CAP2: variants seen among roughly 807,000 people sequenced by gnomAD.
CAP2 encodes adenylyl cyclase-associated protein 2.
CAP2 carries 24 observed loss-of-function variants against 57.7 expected under a neutral mutation model. The observed-to-expected ratio is 0.42, with a 90% CI of 0.30 to 0.58. CAP2 has a LOEUF of 0.58. Ranked by LOEUF, CAP2 falls within the 20% of genes least tolerant of loss-of-function variation. The probability of loss-of-function intolerance (pLI) is 0.22; values close to 1 mark genes in which losing one functional copy is unlikely to be tolerated. For missense variants in CAP2, 501 were observed against 590.3 expected (o/e 0.85, Z 1.57); for synonymous variants, 194 against 207.2 (o/e 0.94, Z 0.55).
chr6:17,451,127 G>A (rs1380015753), intron 3 of CAP2, among the ~76,000 whole-genome samples: 4 of 151,824 alleles, frequency 2.6e-5, no homozygotes, highest in Non-Finnish European at 5.9e-5. Flanking sequence ...TAAATCTCTT[G>A]TCTTGAGGAG....
Position 17,421,643 on chromosome 6 carries a change from G to T in CAP2, c.88G>T (p.Gly30Trp). 1 of 1,614,102 alleles carries T rather than the reference G, an allele frequency of 6.2e-7. No homozygotes were observed. The highest frequency in any genetic ancestry group is 8.5e-7 in the Non-Finnish European group (1 of 1,179,974). ...SLSAESHRPP[G>W]NCGEVNGVIA... ...GTCTGCAGAGTCCCACAGGCCCCCT[G>T]GGAACTGCGGGGAAGTCAATGGTGT... The change falls in exon 2 of 13, where the codon GGG (glycine) becomes TGG (tryptophan). Residue 30 changes from glycine to tryptophan, a missense_variant. Transcript: ENST00000229922.
chr6:17,430,731 G>T (rs1365606327), intron 3 of CAP2, among the ~76,000 whole-genome samples: 1 of 152,064 alleles, frequency 6.6e-6, no homozygotes, highest in Non-Finnish European at 1.5e-5. Context: ...TAGAGACGGG[G>T]TTTTACCATG....
intron 1 of CAP2, among the ~76,000 whole-genome samples, chr6:17,407,192 AC>A (rs1171433719): frequency 6.6e-6 from 1 of 151,602 alleles, no homozygotes; most frequent in African/African-American, 2.4e-5. Flanking sequence ...TTTTCTTTCC[AC>A]TTTACCCACT....
At position 17,473,906 on chromosome 6, in the gene CAP2, GC is replaced by G. The variant is rs752144677; in HGVS notation, c.300+10834del. ...ATTTAGCTCTTAATTGAAAATGCAG[GC>G]ACTTCCATAAGTACTAAAACTACAA... On this transcript the variant is annotated intron_variant, in intron 4 of 12. Transcript: ENST00000229922. 4.5e-4 allele frequency among the ~76,000 whole-genome samples: 68 copies of G among 152,046 alleles called. 1 individual carries two copies. The highest frequency in any genetic ancestry group is 8.8e-4 in the Non-Finnish European group (60 of 67,998).
At chr6:17,451,723 T>A (rs1258840623) in intron 3 of CAP2, among the ~76,000 whole-genome samples, 5 of 152,160 alleles carry the variant, frequency 3.3e-5, no homozygotes, top group African/African-American at 9.7e-5. Flanking sequence ...TTGACCAGGC[T>A]GCTCTCAAAC....
intron 4 of CAP2, among the ~76,000 whole-genome samples, chr6:17,470,316 A>G (rs1016158396): frequency 6.6e-6 from 1 of 152,214 alleles, no homozygotes; most frequent in African/African-American, 2.4e-5. Context: ...AGGGATAACA[A>G]ATAATTCCTA....
intron 4 of CAP2, among the ~76,000 whole-genome samples, chr6:17,491,538 C>T (rs1257480221): frequency 1.3e-5 from 2 of 152,174 alleles, no homozygotes; most frequent in South Asian, 2.1e-4. Context: ...CTTATGTAAT[C>T]GTCATCAGAA....
intron 3 of CAP2, among the ~76,000 whole-genome samples, chr6:17,454,899 A>AT (rs1322967318): frequency 1.3e-5 from 2 of 152,056 alleles, no homozygotes; most frequent in African/African-American, 2.4e-5. Context: ...AGAGAGCTTT[A>AT]TTTTTTCTAG....
intron 4 of CAP2, among the ~76,000 whole-genome samples, chr6:17,488,308 C>T (rs1167234221): frequency 6.6e-6 from 1 of 152,178 alleles, no homozygotes; most frequent in African/African-American, 2.4e-5. Flanking sequence ...TCTCAGCCTT[C>T]CCCTTCAGAT....
intron 4 of CAP2, among the ~76,000 whole-genome samples, chr6:17,484,570 CT>C (rs1761375793): frequency 2.0e-5 from 3 of 152,194 alleles, no homozygotes; most frequent in Admixed American, 1.3e-4. Context: ...TCATCTCTAT[CT>C]GACATGTTTC....
In CAP2 at chr6:17,423,044, T is replaced by C. The variant is rs79096356; in HGVS notation, c.121+1368T>C. Among the ~76,000 whole-genome samples the C allele has an allele frequency of 4.6e-3, 706 of 152,356 alleles. 6 individuals are homozygous for C. The highest frequency in any genetic ancestry group is 0.016 in the African/African-American group (676 of 41,584). On this transcript the variant is annotated intron_variant, in intron 2 of 12. Transcript: ENST00000229922. ...ATCTGCATTTAATATGGCAACTCTG[T>C]TCTTGTCACATGGGCACTTCCTCCT...
At chr6:17,457,796 A>G (rs940993250) in intron 3 of CAP2, among the ~76,000 whole-genome samples, 1 of 152,238 alleles carries the variant, frequency 6.6e-6, no homozygotes, top group African/African-American at 2.4e-5. Flanking sequence ...AACAGGCTAA[A>G]TGTTGTTACT....
chr6:17,546,228 C>T (rs189397371), intron 11 of CAP2, among the ~76,000 whole-genome samples: 144 of 152,222 alleles, frequency 9.5e-4, no homozygotes, highest in African/African-American at 1.7e-3. Context: ...TTTTAATGAC[C>T]GCCATGCTAA....
intron 4 of CAP2, among the ~76,000 whole-genome samples, chr6:17,474,619 G>T (rs1761102097): frequency 6.6e-6 from 1 of 152,146 alleles, no homozygotes; most frequent in Admixed American, 6.5e-5. Context: ...GGAAAATAAG[G>T]TCGGGATGAT....
chr6:17,406,313 G>A (rs541159460), intron 1 of CAP2, among the ~76,000 whole-genome samples: 2 of 151,692 alleles, frequency 1.3e-5, no homozygotes, highest in Non-Finnish European at 2.9e-5. Context: ...GTAGCGAGAG[G>A]AATAAAATAC....
intron 4 of CAP2, among the ~76,000 whole-genome samples, chr6:17,495,816 A>G (rs1184052196): frequency 6.6e-6 from 1 of 152,150 alleles, no homozygotes; most frequent in East Asian, 1.9e-4. Flanking sequence ...AAGAGAAAGC[A>G]AGAAAATACA....
intron 4 of CAP2, among the ~76,000 whole-genome samples, chr6:17,500,432 G>A (rs1471284092): frequency 2.9e-5 from 4 of 137,220 alleles, no homozygotes; most frequent in South Asian, 2.3e-4. Flanking sequence ...GCAGTGGCAC[G>A]ATCTCGGCTT....
intron 3 of CAP2, among the ~76,000 whole-genome samples, chr6:17,457,400 G>A (rs964479111): frequency 2.0e-5 from 3 of 152,304 alleles, no homozygotes; most frequent in South Asian, 2.1e-4. Flanking sequence ...CAGCAGGTTC[G>A]GTAAAATTGC....
intron 7 of CAP2, among the ~76,000 whole-genome samples, chr6:17,519,496 A>C (rs1762344923): frequency 1.3e-5 from 2 of 152,172 alleles, no homozygotes; most frequent in South Asian, 4.1e-4. Flanking sequence ...GAAAGACCCC[A>C]CACCAGAAAC....
Sources: gnomAD v4.1 joint callset for allele counts (sites outside exome capture counted in the v4.1 genomes callset) on GRCh38, gnomAD v4.1.1 for gene constraint, MANE v1.5 for transcripts, NCBI Gene and HGNC (gene_info 2026-07-23, HGNC 2026-07-21) for gene names.